MACF1: variants seen among roughly 807,000 people sequenced by gnomAD.
MACF1 encodes the protein microtubule actin crosslinking factor 1.
In MACF1, 193 loss-of-function variants were observed where a neutral mutation model predicts 854.8. The ratio of observed to expected loss-of-function variants is 0.23; its 90% confidence interval spans 0.20 to 0.25. The LOEUF (loss-of-function observed/expected upper bound fraction) is 0.25. Among genes scored for constraint, MACF1 ranks in the 10% least tolerant of loss-of-function variants. The pLI is 1.00. For synonymous variants in MACF1, 3,185 were observed against 3,226.7 expected (o/e 0.99, Z 0.44); for missense variants, 7,722 against 8,929.1 (o/e 0.86, Z 5.45).
intron 19 of MACF1, 58 bp from the exon 20 acceptor site, chr1:39,295,729 C>T: frequency 1.6e-6 from 2 of 1,235,426 alleles, no homozygotes; most frequent in South Asian, 2.6e-5. Flanking sequence ...TAGTATTGCG[C>T]ATATATATTG....
chr1:39,309,152 A>G (rs1206664609), intron 23 of MACF1, among the ~76,000 whole-genome samples: 1 of 152,012 alleles, frequency 6.6e-6, no homozygotes, highest in African/African-American at 2.4e-5. Flanking sequence ...TGTAATCATC[A>G]TATTATATCC....
chr1:39,392,067 A>G (rs1404468867), intron 58 of MACF1, among the ~76,000 whole-genome samples: 1 of 152,178 alleles, frequency 6.6e-6, no homozygotes, highest in Non-Finnish European at 1.5e-5. Context: ...TCCACCCTCA[A>G]GTTGGGGATG....
In MACF1 at chr1:39,441,077, T is replaced by G; in HGVS notation, c.18522T>G (p.Phe6174Leu). The G allele has an allele frequency of 6.2e-7, 1 of 1,614,242 alleles. No homozygotes were observed. ...FIRILGADLI[F>L]ACGETEKPEV... is the part of the protein sequence containing the mutation. ...GGATCCTTGGAGCAGATTTGATTTTTGCCTGTGGAGAAACTGAGAAGCCTG... is the reference window on the plus strand; with the variant it reads ...GGATCCTTGGAGCAGATTTGATTTTGGCCTGTGGAGAAACTGAGAAGCCTG... Residue 6174 changes from phenylalanine (F) to leucine (L), a missense_variant, in exon 73 of 101, where the codon TTT becomes TTG. Physicochemically the swap from Phe to Leu is conservative, Grantham distance 22 (BLOSUM62 0). Around this residue, in one of 15 missense-constraint regions of MACF1, gnomAD observed 2,807 missense variants for 3,235.8 expected, o/e 0.87. Coordinates refer to ENST00000564288, the MANE Select transcript of MACF1 (RefSeq NM_001394062.1).
At chr1:39,452,055 G>C (rs1644353070) in intron 85 of MACF1, 101 bp from the exon 86 acceptor site, 3 of 1,057,808 alleles carry the variant, frequency 2.8e-6, no homozygotes, top group Admixed American at 4.7e-5. Flanking sequence ...ATGCATAAAA[G>C]ACACATGATT....
In MACF1 at chr1:39,447,605, A is replaced by T. The variant is rs763327063; in HGVS notation, c.19761+18A>T. 1 of 1,613,868 alleles carries T rather than the reference A, an allele frequency of 6.2e-7. No individual in the cohort carries two copies. The highest frequency in any genetic ancestry group is 2.2e-5 in the East Asian group (1 of 44,884). ...AGCACAAGGTAAGTATGATATTATG[A>T]TGCTGCATTCTTTTTGAAAGCACTA... On this transcript the variant is annotated intron_variant, in intron 81 of 100. Coordinates refer to ENST00000564288, the MANE Select transcript of MACF1 (RefSeq NM_001394062.1).
intron 56 of MACF1, among the ~76,000 whole-genome samples, chr1:39,385,178 G>A (rs546963624): frequency 4.3e-4 from 65 of 152,042 alleles, no homozygotes; most frequent in African/African-American, 1.3e-3. Context: ...AGCAATTCTC[G>A]TGCCTCAGCC....
At chr1:39,390,925 G>A (rs560701852) in intron 58 of MACF1, among the ~76,000 whole-genome samples, 95 of 152,176 alleles carry the variant, frequency 6.2e-4, no homozygotes, top group Non-Finnish European at 1.2e-4. Context: ...GGCTAACACG[G>A]TGAAACCCTG....
At position 39,334,413 on chromosome 1, in the gene MACF1, G is replaced by A; in HGVS notation, c.7825G>A (p.Val2609Ile). ...AGAAGGACTGTTAACTAATGAAGCA[G>A]TATTGTCTCCAGGAATGATGCATGG... ...KKEGLLTNEA[V>I]LSPGMMHGIV... Residue 2609 changes from valine (V) to isoleucine (I), a missense_variant, in exon 37 of 101, where the codon GTA becomes ATA. Val to Ile is a conservative substitution (Grantham distance 29). This residue lies in a region of MACF1 where 1,531 missense variants were observed against 1,601.6 expected (regional missense o/e 0.96). Transcript: ENST00000564288. 1.2e-6 allele frequency: 2 copies of A among 1,614,042 alleles called. No individual in the cohort carries two copies. Among genetic ancestry groups the A allele is most frequent in the Non-Finnish European group, 1.7e-6 (2 of 1,179,940 alleles).
chr1:39,321,088 GT>G (rs1368470008), intron 31 of MACF1, among the ~76,000 whole-genome samples: 2 of 152,232 alleles, frequency 1.3e-5, no homozygotes, highest in Non-Finnish European at 2.9e-5. Flanking sequence ...CAGTGTGTGT[GT>G]ATAGCACTCA....
chr1:39,286,294 G>A (rs1435513013), intron 14 of MACF1, among the ~76,000 whole-genome samples: 1 of 152,040 alleles, frequency 6.6e-6, no homozygotes, highest in African/African-American at 2.4e-5. Flanking sequence ...GATTATAGGC[G>A]TGAACCACTA....
intron 29 of MACF1, among the ~76,000 whole-genome samples, chr1:39,317,811 A>AT (rs776768865): frequency 2.2e-4 from 34 of 152,278 alleles, no homozygotes; most frequent in Non-Finnish European, 3.5e-4. Context: ...TAATTCAGTA[A>AT]TTTTTCATCT....
chr1:39,237,224 C>G (rs917220792), intron 2 of MACF1, among the ~76,000 whole-genome samples: 3 of 152,240 alleles, frequency 2.0e-5, no homozygotes, highest in Non-Finnish European at 2.9e-5. Flanking sequence ...CCATCACCCA[C>G]TTCACCTTCT....
chr1:39,359,316 T>C, intron 47 of MACF1, 52 bp downstream of exon 47: 1 of 1,588,648 alleles, frequency 6.3e-7, no homozygotes, highest in Non-Finnish European at 8.6e-7. Context: ...AGTATGTACC[T>C]CTATTCTGCA....
chr1:39,389,127 C>T (rs1641924239), intron 58 of MACF1, among the ~76,000 whole-genome samples: 1 of 151,752 alleles, frequency 6.6e-6, no homozygotes, highest in African/African-American at 2.4e-5. Context: ...CCGCCCACCT[C>T]AGCCTACCAA....
chr1:39,200,350 G>T (rs1433406483), upstream of MACF1, among the ~76,000 whole-genome samples: 1 of 152,062 alleles, frequency 6.6e-6, no homozygotes, highest in African/African-American at 2.4e-5. Context: ...CCTTGAACTT[G>T]ATCTCTTCTC....
At chr1:39,126,921 A>C (rs949140561) in intron 2 of MACF1, among the ~76,000 whole-genome samples, 1 of 152,096 alleles carries the variant, frequency 6.6e-6, no homozygotes. Context: ...CTAAGATTTA[A>C]CTAGAGTTAA....
chr1:39,276,847 A>C (rs1645447183), intron 6 of MACF1, among the ~76,000 whole-genome samples: 1 of 152,194 alleles, frequency 6.6e-6, no homozygotes, highest in Non-Finnish European at 1.5e-5. Context: ...TCTTGTTATT[A>C]GGCTTCCAGG....
intron 88 of MACF1, 64 bp from the exon 89 acceptor site, chr1:39,454,845 G>T (rs1644405482): frequency 7.2e-7 from 1 of 1,397,916 alleles, no homozygotes; most frequent in Non-Finnish European, 9.8e-7. Flanking sequence ...GATGAAAAAG[G>T]GCTTTGGAAA....
At chr1:39,250,613 T>G (rs540436880) in intron 3 of MACF1, among the ~76,000 whole-genome samples, 1 of 152,336 alleles carries the variant, frequency 6.6e-6, no homozygotes, top group South Asian at 2.1e-4. Flanking sequence ...CTCCCTTCTG[T>G]GATTCATTGA....
Sources: gnomAD v4.1 joint callset for allele counts (sites outside exome capture counted in the v4.1 genomes callset) on GRCh38, gnomAD v4.1.1 for gene constraint, gnomAD v4.1.1 regional missense constraint, MANE v1.5 for transcripts, NCBI Gene and HGNC (gene_info 2026-07-23, HGNC 2026-07-21) for gene names.